The following GRID1 variants were observed in gnomAD, a reference collection of about 807,000 sequenced individuals.
GRID1 encodes the protein glutamate ionotropic receptor delta type subunit 1, also known as glutamate receptor ionotropic, delta-1.
A neutral mutation model predicts 98.0 loss-of-function variants in GRID1; 28 were observed. The observed-to-expected ratio is 0.29, with a 90% CI of 0.21 to 0.39. The LOEUF (loss-of-function observed/expected upper bound fraction) is 0.39, where lower values mean the gene tolerates loss of function less well. GRID1 is among the 10% of genes least tolerant of loss of function. The probability of loss-of-function intolerance (pLI) is 1.00; values close to 1 mark genes in which losing one functional copy is unlikely to be tolerated. For missense variants in GRID1, 1,111 were observed against 1,340.5 expected, an observed-to-expected ratio of 0.83 and a Z score of 2.67; for synonymous variants, 553 against 538.5, an observed-to-expected ratio of 1.03 and a Z score of -0.37.
intron 8 of GRID1, among the ~76,000 whole-genome samples, chr10:85,751,639 T>C (rs1842046634): frequency 6.6e-6 from 1 of 152,086 alleles, no homozygotes; most frequent in Admixed American, 6.6e-5. Context: ...AAAACTATAT[T>C]ATTTAAAAAA....
At chr10:85,983,968 T>C (rs1201945491) in intron 4 of GRID1, among the ~76,000 whole-genome samples, 2 of 152,090 alleles carry the variant, frequency 1.3e-5, no homozygotes, top group African/African-American at 2.4e-5. Context: ...GTCCTCCTCA[T>C]ACCTGCTCCT....
chr10:85,838,401 G>T (rs1347416013), intron 8 of GRID1, among the ~76,000 whole-genome samples: 8 of 152,194 alleles, frequency 5.3e-5, no homozygotes, highest in African/African-American at 1.9e-4. Context: ...AATGTTAAAG[G>T]TAGCTAGAGG....
intron 8 of GRID1, among the ~76,000 whole-genome samples, chr10:85,824,398 G>A (rs1312814577): frequency 2.0e-5 from 3 of 152,146 alleles, no homozygotes; most frequent in African/African-American, 7.2e-5. Context: ...TTCTAGTAGA[G>A]ATGGTGCTTC....
intron 12 of GRID1, among the ~76,000 whole-genome samples, chr10:85,698,486 G>C (rs927857195): frequency 1.3e-5 from 2 of 152,136 alleles, no homozygotes; most frequent in African/African-American, 4.8e-5. Flanking sequence ...TTTTCAACCT[G>C]ATAGCTCATT....
At chr10:86,276,551 G>A (rs1847272380) in intron 2 of GRID1, among the ~76,000 whole-genome samples, 1 of 149,890 alleles carries the variant, frequency 6.7e-6, no homozygotes, top group Admixed American at 6.7e-5. Context: ...CACCCAGGCT[G>A]GAGCGCAGTG....
intron 12 of GRID1, among the ~76,000 whole-genome samples, chr10:85,695,105 T>C (rs887632129): frequency 6.6e-6 from 1 of 152,062 alleles, no homozygotes; most frequent in Non-Finnish European, 1.5e-5. Context: ...ACATAGAAGA[T>C]AAGAGAAATA....
At chr10:85,827,388 A>G (rs1452717602) in intron 8 of GRID1, among the ~76,000 whole-genome samples, 3 of 142,196 alleles carry the variant, frequency 2.1e-5, no homozygotes, top group African/African-American at 5.8e-5. Flanking sequence ...TCAGAGCTCG[A>G]AAAAAAAACA....
chr10:85,680,692 T>C (rs868360550), intron 12 of GRID1, among the ~76,000 whole-genome samples: 3 of 152,190 alleles, frequency 2.0e-5, no homozygotes, highest in African/African-American at 4.8e-5. Context: ...TTTATCACAG[T>C]ACTACTCACA....
At chr10:85,944,970 C>T (rs1842038067) in intron 4 of GRID1, among the ~76,000 whole-genome samples, 1 of 152,066 alleles carries the variant, frequency 6.6e-6, no homozygotes, top group Non-Finnish European at 1.5e-5. Context: ...TACAGTGGCC[C>T]TCCTAAAGAC....
chr10:86,240,635 G>A (rs1846613648), intron 2 of GRID1, among the ~76,000 whole-genome samples: 1 of 152,214 alleles, frequency 6.6e-6, no homozygotes, highest in Admixed American at 6.5e-5. Context: ...TTGAAAAGCA[G>A]ATTTTAGCTC....
chr10:85,921,560 G>A (rs918114159), intron 4 of GRID1, among the ~76,000 whole-genome samples: 4 of 152,310 alleles, frequency 2.6e-5, no homozygotes, highest in Admixed American at 2.6e-4. Flanking sequence ...AATAGATGTG[G>A]GCCACGTACT....
chr10:85,778,835 G>C (rs780449461), intron 8 of GRID1, among the ~76,000 whole-genome samples: 3 of 152,186 alleles, frequency 2.0e-5, no homozygotes, highest in Non-Finnish European at 4.4e-5. Context: ...GTGGGATCCT[G>C]GGTGAGCTAT....
chr10:85,855,718 T>G lies in GRID1; in HGVS notation c.1113+311A>C, dbSNP rs548361698. On this transcript the variant is annotated intron_variant, in intron 7 of 15. Coordinates refer to ENST00000327946, the MANE Select transcript of GRID1 (RefSeq NM_017551.3). ...GGGAGTGGTGTTCTGCATAGAGGGG[T>G]ACCTTGCAGACACGGGATAGGCAGC... is the stretch of plus-strand genomic sequence containing the variant. 1.4e-3 allele frequency among the ~76,000 whole-genome samples: 220 copies of G among 152,188 alleles called. 1 individual carries two copies. Among genetic ancestry groups the G allele is most frequent in the African/African-American group, 5.1e-3 (210 of 41,542 alleles).
chr10:86,308,431 G>A (rs748457239), intron 2 of GRID1, among the ~76,000 whole-genome samples: 4 of 152,236 alleles, frequency 2.6e-5, no homozygotes, highest in Non-Finnish European at 5.9e-5. Context: ...AGGCAAGGAA[G>A]TCTATGCCCA....
At chr10:86,320,566 G>A (rs569515999) in intron 2 of GRID1, among the ~76,000 whole-genome samples, 1 of 152,328 alleles carries the variant, frequency 6.6e-6, no homozygotes, top group Admixed American at 6.5e-5. Flanking sequence ...AAGGGCTATA[G>A]TATTTCTGTT....
At chr10:85,945,081 C>G (rs1416579450) in intron 4 of GRID1, among the ~76,000 whole-genome samples, 2 of 152,202 alleles carry the variant, frequency 1.3e-5, no homozygotes, top group African/African-American at 4.8e-5. Context: ...GACTGCCAAG[C>G]ATCCTAACCA....
chr10:85,724,906 T>G (rs987273794), intron 10 of GRID1, among the ~76,000 whole-genome samples: 1 of 152,372 alleles, frequency 6.6e-6, no homozygotes, highest in East Asian at 1.9e-4. Flanking sequence ...AGGAAACTGC[T>G]TCTACAGAAA....
intron 12 of GRID1, among the ~76,000 whole-genome samples, chr10:85,690,539 GAC>G (rs1841320433): frequency 2.0e-5 from 3 of 152,106 alleles, no homozygotes; most frequent in African/African-American, 4.8e-5. Flanking sequence ...CTGAAATCAA[GAC>G]ATACCAGGTC....
Position 86,206,446 on chromosome 10 carries a change from G to A in GRID1, c.438C>T (p.Pro146=), listed in dbSNP as rs764843634. The A allele has an allele frequency of 5.2e-5, 84 of 1,614,052 alleles. No homozygotes were observed. The highest frequency in any genetic ancestry group is 3.1e-4 in the South Asian group (28 of 91,078). Reference sequence around the variant, plus strand: ...TGAGCATGACATCATTGAGGCGGACGGGTGGTCTCGAAGCCAGTGTGTAGG... The same window carrying A: ...TGAGCATGACATCATTGAGGCGGACAGGTGGTCTCGAAGCCAGTGTGTAGG... ...GEAYTLASRP[P]VRLNDVMLRL... Residue 146 remains proline (P), a synonymous_variant, in exon 3 of 16, where the codon CCC becomes CCT. Transcript: ENST00000327946. This position sits in a 1 kb window ranked among gnomAD's most constrained non-coding sequence, Gnocchi z 4.1.
Sources: gnomAD v4.1 joint callset for allele counts (sites outside exome capture counted in the v4.1 genomes callset) on GRCh38, gnomAD v4.1.1 for gene constraint, Gnocchi (gnomAD v3.1) non-coding constraint, MANE v1.5 for transcripts, NCBI Gene and HGNC (gene_info 2026-07-23, HGNC 2026-07-21) for gene names.